ACSL4: variants seen among roughly 807,000 people sequenced by gnomAD.
ACSL4 encodes acyl-CoA synthetase long chain family member 4.
ACSL4 carries 9 observed loss-of-function variants against 49.1 expected under a neutral mutation model. The observed-to-expected ratio is 0.18, with a 90% CI of 0.11 to 0.32. The LOEUF (loss-of-function observed/expected upper bound fraction) is 0.32, where lower values mean the gene tolerates loss of function less well. Among genes scored for constraint, ACSL4 ranks in the 10% least tolerant of loss-of-function variants. The probability of loss-of-function intolerance (pLI) is 1.00; values close to 1 mark genes in which losing one functional copy is unlikely to be tolerated. For missense variants in ACSL4, 333 were observed against 493.7 expected, an observed-to-expected ratio of 0.67 and a Z score of 3.08; for synonymous variants, 191 against 170.3, an observed-to-expected ratio of 1.12 and a Z score of -0.95.
intron 1 of ACSL4, among the ~76,000 whole-genome samples, chrX:109,711,191 A>G (rs1030702041): frequency 1.8e-5 from 2 of 112,759 alleles, no homozygotes; most frequent in African/African-American, 6.5e-5. Context: ...TCAGAGTTGC[A>G]TATCAAATGA....
intron 9 of ACSL4, among the ~76,000 whole-genome samples, chrX:109,673,172 A>C (rs1306358987): frequency 8.9e-6 from 1 of 111,993 alleles, no homozygotes; most frequent in Non-Finnish European, 1.9e-5. Context: ...TTCCTATGTT[A>C]TCTGATAAGG....
intron 1 of ACSL4, among the ~76,000 whole-genome samples, chrX:109,709,783 C>T (rs1370993306): frequency 8.9e-5 from 10 of 112,518 alleles, no homozygotes; most frequent in Admixed American, 7.6e-4. Context: ...AAGCTAGAGT[C>T]ACAAACCTGA....
At chrX:109,700,041 C>T (rs1480339932) in intron 1 of ACSL4, among the ~76,000 whole-genome samples, 2 of 107,223 alleles carry the variant, frequency 1.9e-5, no homozygotes, top group African/African-American at 6.8e-5. Context: ...AACCCTATCG[C>T]TACTAAAAAT....
intron 2 of ACSL4, among the ~76,000 whole-genome samples, chrX:109,691,835 T>C (rs775609658): frequency 1.8e-5 from 2 of 111,837 alleles, no homozygotes; most frequent in Admixed American, 9.5e-5. Context: ...CAATCAAACC[T>C]TAAGCTCAAA....
At chrX:109,724,856 G>A (rs943562102) in intron 1 of ACSL4, among the ~76,000 whole-genome samples, 1 of 110,407 alleles carries the variant, frequency 9.1e-6, no homozygotes, top group Non-Finnish European at 1.9e-5. Flanking sequence ...AGGTTGTAGT[G>A]AGCCGAGATC....
rs759715066 is a variant in ACSL4, at chrX:109,674,392, C to T, written c.1002+10G>A. On this transcript the variant is annotated intron_variant, in intron 9 of 15. Transcript: ENST00000672401. ...ATCCTCTTATGTTCATATTCATATT[C>T]TGTACTCACCGGAACAGCAGCCATA... is the stretch of plus-strand genomic sequence containing the variant. The T allele has an allele frequency of 1.3e-5, 15 of 1,177,496 alleles. No homozygotes were observed. In the South Asian group the frequency reaches 2.7e-4, roughly 21 times the overall value.
chrX:109,668,613 C>T (rs1423961781), intron 10 of ACSL4, among the ~76,000 whole-genome samples: 1 of 111,831 alleles, frequency 8.9e-6, no homozygotes, highest in East Asian at 2.8e-4. Context: ...GCTTCCCCAT[C>T]CCCACTCCTC....
At chrX:109,647,368 C>G (rs1296680518) in intron 15 of ACSL4, among the ~76,000 whole-genome samples, 1 of 111,897 alleles carries the variant, frequency 8.9e-6, no homozygotes, top group Non-Finnish European at 1.9e-5. Context: ...GATTAAGAAT[C>G]TCACTCAAAA....
At chrX:109,653,290 A>C (rs1292003479) in intron 15 of ACSL4, among the ~76,000 whole-genome samples, 1 of 111,994 alleles carries the variant, frequency 8.9e-6, no homozygotes, top group African/African-American at 3.2e-5. Context: ...CAATCATTAA[A>C]AAGTCAGGGA....
rs192039065 is a variant in ACSL4, at chrX:109,729,575, C to T, written c.-66+3564G>A. 1.1e-4 allele frequency among the ~76,000 whole-genome samples: 12 copies of T among 112,099 alleles called. No homozygotes were observed. The Admixed American group carries it at 1.1e-3, about 11-fold the overall frequency. On this transcript the variant is annotated intron_variant, in intron 1 of 15. Transcript: ENST00000672401. ...AGTGCTATACCACCCAAGAAGTACA[C>T]TCTCAGGCATTTCAGAAATTTATGT...
chrX:109,679,486 A>G (rs1923999016), intron 6 of ACSL4, among the ~76,000 whole-genome samples: 1 of 112,656 alleles, frequency 8.9e-6, no homozygotes, highest in Non-Finnish European at 1.9e-5. Context: ...CCACTGAAAC[A>G]AAGATAGTTA....
At chrX:109,732,951 C>T (rs1928587247) in intron 1 of ACSL4, 188 bp downstream of exon 1, 7 of 318,941 alleles carry the variant, frequency 2.2e-5, no homozygotes, top group Non-Finnish European at 4.3e-5. Context: ...CTTCCCGGCC[C>T]CAGCGGAGGC....
chrX:109,668,640 TAA>T (rs768520536), intron 10 of ACSL4, among the ~76,000 whole-genome samples: 7 of 112,008 alleles, frequency 6.2e-5, no homozygotes, highest in Non-Finnish European at 1.1e-4. Context: ...ACATTTAAAA[TAA>T]GTTATATTCA....
intron 6 of ACSL4, among the ~76,000 whole-genome samples, chrX:109,680,570 C>A (rs1372230135): frequency 8.9e-6 from 1 of 112,491 alleles, no homozygotes; most frequent in Non-Finnish European, 1.9e-5. Context: ...TAAAATAAAT[C>A]CAAGCATTAA....
intron 1 of ACSL4, among the ~76,000 whole-genome samples, chrX:109,705,134 G>A (rs1402469998): frequency 8.9e-6 from 1 of 111,767 alleles, no homozygotes; most frequent in Non-Finnish European, 1.9e-5. Context: ...AATGAGGGAT[G>A]GGTCATTAAT....
chrX:109,652,014 T>A lies in ACSL4; in HGVS notation c.1855+7340A>T, dbSNP rs192349075. ...AAAACAAACAAAAATGTGGCATTTT[T>A]ATCTGAATTAACTAGAACATTATGA... is the stretch of plus-strand genomic sequence containing the variant. On this transcript the variant is annotated intron_variant, in intron 15 of 15. Transcript: ENST00000672401. Among the ~76,000 whole-genome samples, 381 of 111,654 alleles carry A rather than the reference T, an allele frequency of 3.4e-3. 3 individuals carry two copies. Among genetic ancestry groups the A allele is most frequent in the African/African-American group, 0.012 (367 of 30,861 alleles).
At chrX:109,666,195 G>A (rs1329613295) in intron 11 of ACSL4, among the ~76,000 whole-genome samples, 1 of 112,239 alleles carries the variant, frequency 8.9e-6, no homozygotes, top group Non-Finnish European at 1.9e-5. Context: ...TAAACTGCAT[G>A]GGCACTGAAG....
At chrX:109,730,909 G>A (rs1403358536) in intron 1 of ACSL4, among the ~76,000 whole-genome samples, 4 of 111,386 alleles carry the variant, frequency 3.6e-5, no homozygotes, top group South Asian at 3.7e-4. Flanking sequence ...CTCATGATCC[G>A]CCGGCCTCGG....
chrX:109,730,010 G>A (rs1219708053), intron 1 of ACSL4, among the ~76,000 whole-genome samples: 1 of 112,396 alleles, frequency 8.9e-6, no homozygotes, highest in South Asian at 3.7e-4. Context: ...TTGTGGTGAT[G>A]CAATTGTTCT....
Sources: gnomAD v4.1 joint callset for allele counts (sites outside exome capture counted in the v4.1 genomes callset) on GRCh38, gnomAD v4.1.1 for gene constraint, MANE v1.5 for transcripts, NCBI Gene and HGNC (gene_info 2026-07-23, HGNC 2026-07-21) for gene names.